Variants in KIF5B observed in about 807,000 individuals in gnomAD.
KIF5B encodes kinesin-1 heavy chain.
A neutral mutation model predicts 132.8 loss-of-function variants in KIF5B; 49 were observed. The ratio of observed to expected loss-of-function variants is 0.37; its 90% CI spans 0.29 to 0.47. The LOEUF is 0.47. KIF5B is among the 20% of genes least tolerant of loss of function. The pLI is 1.00. For missense variants in KIF5B, 780 were observed against 1,144.0 expected (o/e 0.68, Z 4.59); for synonymous variants, 355 against 369.4 (o/e 0.96, Z 0.45).
intron 12 of KIF5B, 112 bp from the exon 13 acceptor site, chr10:32,032,886 T>C: frequency 1.3e-6 from 1 of 778,128 alleles, no homozygotes; most frequent in South Asian, 1.6e-5. Flanking sequence ...ACCATTTCTC[T>C]AAATTCAACA....
At chr10:32,047,615 C>T (rs11008749) in intron 2 of KIF5B, among the ~76,000 whole-genome samples, 7,798 of 152,172 alleles carry the variant, frequency 0.051, 661 homozygotes, top group African/African-American at 0.18. Context: ...TGAGTACATA[C>T]ACATTTTCCC....
At chr10:32,043,975 G>T (rs1291855902) in intron 2 of KIF5B, among the ~76,000 whole-genome samples, 2 of 152,128 alleles carry the variant, frequency 1.3e-5, no homozygotes, top group Non-Finnish European at 1.5e-5. Flanking sequence ...GTTTAACAAT[G>T]ATTGTCCCAA....
chr10:32,029,708 T>C (rs982404131), intron 14 of KIF5B, among the ~76,000 whole-genome samples: 3 of 152,236 alleles, frequency 2.0e-5, no homozygotes, highest in African/African-American at 7.2e-5. Context: ...AATGTAATGC[T>C]GATAGATTTC....
At chr10:32,015,134 GAAAA>G (rs1201340716) in intron 25 of KIF5B, among the ~76,000 whole-genome samples, 1 of 111,170 alleles carries the variant, frequency 9.0e-6, no homozygotes, top group Non-Finnish European at 2.0e-5. Flanking sequence ...AAAAGAAAAA[GAAAA>G]AAAAAAAAAG....
chr10:32,025,406 C>T (rs2132591086), intron 15 of KIF5B, among the ~76,000 whole-genome samples: 1 of 152,300 alleles, frequency 6.6e-6, no homozygotes, highest in Non-Finnish European at 1.5e-5. Flanking sequence ...GACAGAGTCT[C>T]ACTCTGTCAC....
chr10:32,034,652 T>C (rs1251888242), intron 11 of KIF5B, 38 bp downstream of exon 11: 5 of 1,484,766 alleles, frequency 3.4e-6, no homozygotes, highest in Non-Finnish European at 4.5e-6. Context: ...TAAATCTGTA[T>C]TTAACAAACT....
Position 32,018,328 on chromosome 10 carries a change from T to C in KIF5B, c.2427A>G (p.Thr809=), listed in dbSNP as rs907112162. 1 of 1,510,502 alleles carries C rather than the reference T, an allele frequency of 6.6e-7. No individual in the cohort carries two copies. Among genetic ancestry groups the C allele is most frequent in the Non-Finnish European group, 8.8e-7 (1 of 1,132,364 alleles). 93.6% of individuals were successfully genotyped at this position (1,510,502 alleles called of 1,614,324 possible). ...ATAGTTACATTACCTTTTTAACTCTTGTAGCCAGGTCCTGAACAAAGAGTT... is the reference window on the plus strand; with the variant it reads ...ATAGTTACATTACCTTTTTAACTCTCGTAGCCAGGTCCTGAACAAAGAGTT... ...LRKLFVQDLA[T]RVKKSAEIDS... The change falls in exon 22 of 26, where the codon ACA becomes ACG. Residue 809 remains threonine (T), a synonymous_variant. Transcript: ENST00000302418.
chr10:32,010,249 T>TTC lies in KIF5B; in HGVS notation c.*1287_*1288insGA. On this transcript the variant is annotated 3_prime_UTR_variant, in exon 26 of 26. Coordinates refer to ENST00000302418, the MANE Select transcript of KIF5B (RefSeq NM_004521.3). ...CAAATAGTGAAATCTCTTTCCCTAT[T>TTC]ACTTTTACAGTTTCCTAAAATAAGC... 1 of 152,218 alleles carries TTC rather than the reference T, an allele frequency of 6.6e-6. No homozygotes were observed. The highest frequency in any genetic ancestry group is 1.5e-5 in the Non-Finnish European group (1 of 68,026). The allele number at this position is 152,218 out of a possible 1,614,324, so 9.4% of individuals were successfully genotyped here.
At chr10:32,028,602 A>T in intron 14 of KIF5B, 31 bp from the exon 15 acceptor site, 1 of 1,575,028 alleles carries the variant, frequency 6.3e-7, no homozygotes, top group Non-Finnish European at 8.7e-7. Flanking sequence ...AAGTATAGTT[A>T]AATCTACTAC....
intron 5 of KIF5B, 133 bp downstream of exon 5, chr10:32,038,645 A>C (rs917554298): frequency 1.6e-6 from 1 of 614,668 alleles, no homozygotes; most frequent in African/African-American, 1.9e-5. Flanking sequence ...AAACTTTAGA[A>C]GAAAAAAAAT....
At chr10:32,023,392 T>A (rs1268901157) in intron 15 of KIF5B, among the ~76,000 whole-genome samples, 1 of 152,204 alleles carries the variant, frequency 6.6e-6, no homozygotes, top group East Asian at 1.9e-4. Flanking sequence ...TCATTGTTAA[T>A]CATGTGCACG....
chr10:32,024,146 CTTTTTTTTT>C (rs769483155), intron 15 of KIF5B, among the ~76,000 whole-genome samples: 6 of 69,752 alleles, frequency 8.6e-5, no homozygotes, highest in Admixed American at 2.1e-4. Context: ...ATGAAGAACT[CTTTTTTTTT>C]TTTTTTTTTT....
intron 15 of KIF5B, among the ~76,000 whole-genome samples, chr10:32,026,877 GA>G (rs1841341025): frequency 6.6e-6 from 1 of 152,166 alleles, no homozygotes; most frequent in Admixed American, 6.5e-5. Context: ...GAAATGTTCA[GA>G]CTGATGGTGA....
Position 32,035,997 on chromosome 10 carries a change from A to G in KIF5B, c.712-3T>C, listed in dbSNP as rs542245968. 1.0e-5 allele frequency: 16 copies of G among 1,537,652 alleles called. No homozygotes were observed. In the East Asian group the frequency reaches 3.2e-4, roughly 31 times the overall value. ...CCTTCAGCTCCAGTTTTACTAACCT[A>G]TACATAAGATTTCAAAAGAATGAAA... is the stretch of plus-strand genomic sequence containing the variant. On this transcript the variant is annotated splice_polypyrimidine_tract_variant and splice_region_variant and intron_variant, in intron 8 of 25. Coordinates refer to ENST00000302418, the MANE Select transcript of KIF5B (RefSeq NM_004521.3).
intron 2 of KIF5B, among the ~76,000 whole-genome samples, chr10:32,044,640 C>A (rs958020964): frequency 6.6e-6 from 1 of 151,852 alleles, no homozygotes; most frequent in Non-Finnish European, 1.5e-5. Flanking sequence ...GGCGCCACTG[C>A]AGTCCAGCCT....
intron 14 of KIF5B, 143 bp from the exon 15 acceptor site, chr10:32,028,714 G>A: frequency 1.6e-6 from 1 of 633,452 alleles, no homozygotes; most frequent in Non-Finnish European, 2.6e-6. Flanking sequence ...CTATCTACCA[G>A]GTTCTGGGCT....
At chr10:32,021,167 G>A in intron 18 of KIF5B, 36 bp from the exon 19 acceptor site, 3 of 1,604,032 alleles carry the variant, frequency 1.9e-6, no homozygotes, top group Non-Finnish European at 2.6e-6. Flanking sequence ...GTTAAAGTCA[G>A]ACTAATCAAA....
intron 20 of KIF5B, among the ~76,000 whole-genome samples, chr10:32,019,014 T>C (rs1323567972): frequency 6.3e-5 from 1 of 15,838 alleles, no homozygotes; most frequent in Non-Finnish European, 3.8e-4. Context: ...AAAATTTTCA[T>C]ATGCCTTCTA....
chr10:32,035,489 A>C (rs1564467944), intron 10 of KIF5B, 33 bp downstream of exon 10: 20 of 1,577,446 alleles, frequency 1.3e-5, no homozygotes, highest in Non-Finnish European at 1.7e-5. Context: ...AGGTCTATCT[A>C]AATTTAGGTT....
Sources: allele counts gnomAD v4.1 joint callset (sites outside exome capture counted in the v4.1 genomes callset), GRCh38; gene constraint gnomAD v4.1.1; transcripts MANE v1.5; gene names NCBI Gene and HGNC (gene_info 2026-07-23, HGNC 2026-07-21).